The following PCDH9 variants were observed in gnomAD, a reference collection of about 807,000 sequenced individuals.
The protein encoded by PCDH9 is protocadherin-9.
PCDH9 carries 24 observed loss-of-function variants against 70.6 expected under a neutral mutation model. The observed-to-expected ratio is 0.34, with a 90% confidence interval of 0.25 to 0.48. The LOEUF is 0.48. PCDH9 is among the 20% of genes least tolerant of loss of function. The probability of loss-of-function intolerance (pLI) is 0.99; values close to 1 mark genes in which losing one functional copy is unlikely to be tolerated. For missense variants in PCDH9, 1,281 were observed against 1,503.6 expected, an observed-to-expected ratio of 0.85 and a Z score of 2.45; for synonymous variants, 562 against 558.5, an observed-to-expected ratio of 1.01 and a Z score of -0.09.
intron 2 of PCDH9, among the ~76,000 whole-genome samples, chr13:66,910,735 A>C (rs1252921371): frequency 6.6e-6 from 1 of 152,216 alleles, no homozygotes; most frequent in Non-Finnish European, 1.5e-5. Context: ...CAATTCTAAC[A>C]ATTTAATAAA....
At chr13:66,620,503 T>C (rs1312288980) in intron 4 of PCDH9, among the ~76,000 whole-genome samples, 2 of 152,010 alleles carry the variant, frequency 1.3e-5, no homozygotes, top group African/African-American at 2.4e-5. Flanking sequence ...ACACACAGAC[T>C]TTACTTCAGT....
At chr13:66,871,594 T>C (rs1168649350) in intron 3 of PCDH9, among the ~76,000 whole-genome samples, 1 of 151,984 alleles carries the variant, frequency 6.6e-6, no homozygotes, top group East Asian at 1.9e-4. Context: ...TTGTGATGGT[T>C]TTCTAATTCA....
chr13:66,596,841 G>T lies in PCDH9; in HGVS notation c.3340+34369C>A, dbSNP rs553035046. ...AAAAAAAACATGGCTTGAGTTGTTT[G>T]TGCTGTAGCTTGTGCTGTAGCAGAA... On this transcript the variant is annotated intron_variant, in intron 4 of 4. Transcript: ENST00000377865. Among the ~76,000 whole-genome samples, 725 of 141,346 alleles carry T rather than the reference G, an allele frequency of 5.1e-3. 3 individuals carry two copies. Among genetic ancestry groups the T allele is most frequent in the Non-Finnish European group, 6.9e-3 (450 of 65,208 alleles). The allele number at this position is 141,346 out of a possible 152,430, so 92.7% of individuals were successfully genotyped here.
Position 66,523,136 on chromosome 13 carries a change from AG to A in PCDH9, c.3340+108073del, listed in dbSNP as rs371001467. Among the ~76,000 whole-genome samples, 654 of 152,172 alleles carry A rather than the reference AG, an allele frequency of 4.3e-3. 3 individuals carry two copies. The highest frequency in any genetic ancestry group is 0.015 in the African/African-American group (625 of 41,532). On this transcript the variant is annotated intron_variant, in intron 4 of 4. Transcript: ENST00000377865. ...AGAAAGAATCATCAGCATTCTTGAA[AG>A]TTCAATCATTATCTCATTTGCTCTC...
At chr13:66,459,480 T>A (rs974042442) in intron 4 of PCDH9, among the ~76,000 whole-genome samples, 2 of 151,974 alleles carry the variant, frequency 1.3e-5, no homozygotes, top group East Asian at 1.9e-4. Flanking sequence ...TGTTTTTTTT[T>A]TATATTTTAG....
chr13:66,860,193 A>G (rs940351302), intron 3 of PCDH9, among the ~76,000 whole-genome samples: 1 of 152,188 alleles, frequency 6.6e-6, no homozygotes, highest in Non-Finnish European at 1.5e-5. Context: ...GTTTTTGGCT[A>G]GGGATAAAAA....
At chr13:66,826,688 G>A (rs1169783683) in intron 3 of PCDH9, among the ~76,000 whole-genome samples, 1 of 152,110 alleles carries the variant, frequency 6.6e-6, no homozygotes, top group African/African-American at 2.4e-5. Context: ...TATGAACTAT[G>A]AAGAAAATAA....
At chr13:66,846,769 A>G (rs1191723280) in intron 3 of PCDH9, among the ~76,000 whole-genome samples, 3 of 152,070 alleles carry the variant, frequency 2.0e-5, no homozygotes, top group African/African-American at 4.8e-5. Context: ...CAATTTTTAA[A>G]GTATATTTTC....
chr13:66,645,606 G>T (rs2138975814), intron 3 of PCDH9, among the ~76,000 whole-genome samples: 1 of 152,120 alleles, frequency 6.6e-6, no homozygotes, highest in East Asian at 1.9e-4. Flanking sequence ...AAAATAGAAG[G>T]ATATAAGATA....
chr13:66,575,366 T>G (rs189177916), intron 4 of PCDH9, among the ~76,000 whole-genome samples: 20 of 152,212 alleles, frequency 1.3e-4, no homozygotes, highest in Non-Finnish European at 2.4e-4. Flanking sequence ...CCCAGTTGCT[T>G]AAGTCAGAAA....
chr13:67,120,217 A>T (rs1031383245), intron 2 of PCDH9, among the ~76,000 whole-genome samples: 1 of 40,338 alleles, frequency 2.5e-5, no homozygotes, highest in African/African-American at 8.1e-5. Flanking sequence ...ATAATAATAA[A>T]GGGTCTGAAT....
intron 2 of PCDH9, among the ~76,000 whole-genome samples, chr13:67,070,649 A>G (rs2085743601): frequency 6.6e-6 from 1 of 152,172 alleles, no homozygotes; most frequent in Admixed American, 6.6e-5. Context: ...TATACAGAGG[A>G]CATCTAGAAT....
At chr13:66,782,141 A>G (rs1049877289) in intron 3 of PCDH9, among the ~76,000 whole-genome samples, 3 of 152,038 alleles carry the variant, frequency 2.0e-5, no homozygotes, top group African/African-American at 7.2e-5. Flanking sequence ...GCCCCACTCT[A>G]TCTCCTCTGC....
chr13:66,786,135 C>A (rs1236724230), intron 3 of PCDH9, among the ~76,000 whole-genome samples: 1 of 152,154 alleles, frequency 6.6e-6, no homozygotes, highest in Non-Finnish European at 1.5e-5. Flanking sequence ...AATTAGCACC[C>A]ATGGCAAATT....
At chr13:66,815,773 C>A (rs972291106) in intron 3 of PCDH9, among the ~76,000 whole-genome samples, 1 of 151,976 alleles carries the variant, frequency 6.6e-6, no homozygotes, top group South Asian at 2.1e-4. Context: ...GCTGGAGGGA[C>A]AGAGAAGGGT....
At chr13:66,531,241 T>G (rs1960441020) in intron 4 of PCDH9, among the ~76,000 whole-genome samples, 1 of 152,042 alleles carries the variant, frequency 6.6e-6, no homozygotes, top group Non-Finnish European at 1.5e-5. Flanking sequence ...AAATGAGAAC[T>G]CTCCGATAAT....
intron 3 of PCDH9, among the ~76,000 whole-genome samples, chr13:66,886,838 T>C (rs1230132038): frequency 6.6e-6 from 1 of 152,126 alleles, no homozygotes; most frequent in Non-Finnish European, 1.5e-5. Context: ...CTCCAAATTA[T>C]AAAGTGACAA....
At chr13:66,700,898 A>G (rs1347478909) in intron 3 of PCDH9, among the ~76,000 whole-genome samples, 2 of 140,378 alleles carry the variant, frequency 1.4e-5, no homozygotes, top group Non-Finnish European at 3.1e-5. Flanking sequence ...TTATATATAT[A>G]TGAAAATATA....
chr13:67,130,388 A>C (rs1441108693), intron 2 of PCDH9, among the ~76,000 whole-genome samples: 1 of 152,144 alleles, frequency 6.6e-6, no homozygotes, highest in Non-Finnish European at 1.5e-5. Context: ...AGAGTTCTTC[A>C]GTGTTTTTTT....
Sources: gnomAD v4.1 joint callset for allele counts (sites outside exome capture counted in the v4.1 genomes callset) on GRCh38, gnomAD v4.1.1 for gene constraint, MANE v1.5 for transcripts, NCBI Gene and HGNC (gene_info 2026-07-23, HGNC 2026-07-21) for gene names.